The following MRRF variants were observed in gnomAD, a reference collection of about 807,000 sequenced individuals.
MRRF encodes the protein mitochondrial ribosome recycling factor.
Under a neutral mutation model 25.1 loss-of-function variants are expected in MRRF, and 18 were observed. The ratio of observed to expected loss-of-function variants is 0.72; its 90% CI spans 0.50 to 1.06. MRRF has a LOEUF of 1.06. MRRF is among the 50% of genes least tolerant of loss of function. MRRF has a pLI of 0.00. For missense variants in MRRF, 323 were observed against 319.3 expected (o/e 1.01, Z -0.09); for synonymous variants, 113 against 112.1 (o/e 1.01, Z -0.05).
rs117915531 is a variant in MRRF, at chr9:122,289,449, A to T, written c.460-2300A>T. Among the ~76,000 whole-genome samples the T allele has an allele frequency of 9.6e-3, 1,467 of 152,246 alleles. 15 individuals are homozygous for T. Among genetic ancestry groups the T allele is most frequent in the Middle Eastern group, 0.017 (5 of 294 alleles). ...AAGGTTGTATGGAAACACTTGGGTC[A>T]GCTTGTGAAAGGGAGGTAGTGGTGA... On this transcript the variant is annotated intron_variant, in intron 4 of 6. Transcript: ENST00000344641.
chr9:122,286,678 A>G (rs193167193), intron 4 of MRRF, among the ~76,000 whole-genome samples: 184 of 152,332 alleles, frequency 1.2e-3, no homozygotes, highest in African/African-American at 4.3e-3. Flanking sequence ...ATGCCACTGC[A>G]CTGCAGCCTG....
At chr9:122,276,393 T>C (rs767895122) in intron 2 of MRRF, among the ~76,000 whole-genome samples, 3 of 152,212 alleles carry the variant, frequency 2.0e-5, no homozygotes, top group African/African-American at 7.2e-5. Context: ...TGGGCTCAAG[T>C]GATCCTCTCG....
At chr9:122,280,265 G>T (rs1001874555) in intron 2 of MRRF, among the ~76,000 whole-genome samples, 178 bp from the exon 3 acceptor site, 7 of 152,194 alleles carry the variant, frequency 4.6e-5, no homozygotes, top group Admixed American at 4.6e-4. Flanking sequence ...TATCTGAGAA[G>T]GTGTTTAGCA....
chr9:122,314,126 A>G (rs1186862959), intron 6 of MRRF, among the ~76,000 whole-genome samples: 1 of 152,208 alleles, frequency 6.6e-6, no homozygotes, highest in Non-Finnish European at 1.5e-5. Flanking sequence ...AATGGTACAT[A>G]ACTACCCCAA....
At chr9:122,321,678 T>C (rs961076540) in intron 6 of MRRF, among the ~76,000 whole-genome samples, 2 of 152,212 alleles carry the variant, frequency 1.3e-5, no homozygotes, top group African/African-American at 4.8e-5. Context: ...TTGTATCTTA[T>C]TTTAATTTGC....
chr9:122,277,172 T>C (rs1020870916), intron 2 of MRRF, among the ~76,000 whole-genome samples: 2 of 152,238 alleles, frequency 1.3e-5, no homozygotes, highest in Non-Finnish European at 2.9e-5. Flanking sequence ...TTTCTTCTTT[T>C]AATTGTATTA....
In MRRF at chr9:122,324,368, G is replaced by A. The variant is rs1464372446; in HGVS notation, c.*1751G>A. On this transcript the variant is annotated 3_prime_UTR_variant, in exon 7 of 7. Transcript: ENST00000344641. ...TACACAGGGCAAGGTTGAGGGAGAG[G>A]GAGAGGGTGTGGAGCTTCCATGCCT... is the stretch of plus-strand genomic sequence containing the variant. 6.6e-6 allele frequency: 1 copy of A among 152,222 alleles called. No individual in the cohort carries two copies. The highest frequency in any genetic ancestry group is 1.5e-5 in the Non-Finnish European group (1 of 68,058). 9.4% of individuals were successfully genotyped at this position (152,222 alleles called of 1,614,324 possible).
chr9:122,270,864 T>C lies in MRRF; in HGVS notation c.-28T>C. On this transcript the variant is annotated splice_region_variant and 5_prime_UTR_variant, in exon 2 of 7. Transcript: ENST00000344641. ...CTGCTTTTTGTCTTATTCTTTTTAG[T>C]GGATGTTTCCAAGGATTGTCTTCAG... 2 of 1,612,256 alleles carry C rather than the reference T, an allele frequency of 1.2e-6. No homozygotes were observed. Among genetic ancestry groups the C allele is most frequent in the Non-Finnish European group, 1.7e-6 (2 of 1,178,256 alleles).
intron 1 of MRRF, among the ~76,000 whole-genome samples, chr9:122,268,018 T>G (rs1365799259): frequency 6.6e-6 from 1 of 152,238 alleles, no homozygotes; most frequent in African/African-American, 2.4e-5. Flanking sequence ...TATGTATAGG[T>G]TAATTTTGTT....
intron 6 of MRRF, among the ~76,000 whole-genome samples, chr9:122,316,454 G>T (rs1003800203): frequency 6.6e-6 from 1 of 152,112 alleles, no homozygotes; most frequent in African/African-American, 2.4e-5. Context: ...GGGATTACAG[G>T]CATGAGTGCC....
At position 122,295,591 on chromosome 9, in the gene MRRF, G is replaced by A. The variant is rs543008717; in HGVS notation, c.551+3751G>A. Among the ~76,000 whole-genome samples the A allele has an allele frequency of 1.1e-4, 17 of 151,964 alleles. No individual in the cohort carries two copies. In the South Asian group the frequency reaches 2.7e-3, roughly 24 times the overall value. ...CTCCCAGGTAGCTGGGATTACAGGC[G>A]CCCGCCACCACGTCTGGCTAATTTT... On this transcript the variant is annotated intron_variant, in intron 5 of 6. Transcript: ENST00000344641.
chr9:122,322,778 C>A lies in MRRF; in HGVS notation c.*161C>A. ...CCAGCCTTCCAGGGGAACACTCAGA[C>A]ATGTTCATTCTCTTCCTGCTTCTGC... On this transcript the variant is annotated 3_prime_UTR_variant, in exon 7 of 7. Transcript: ENST00000344641. The A allele has an allele frequency of 1.4e-6, 1 of 714,196 alleles. No homozygotes were observed. The highest frequency in any genetic ancestry group is 1.5e-5 in the South Asian group (1 of 65,064). The allele number at this position is 714,196 out of a possible 1,614,324, so 44.2% of individuals were successfully genotyped here. A position where few individuals can be genotyped will look rare whatever the true frequency, so the allele number is the denominator to read the frequency against.
chr9:122,304,115 G>A (rs1834670636), intron 5 of MRRF, among the ~76,000 whole-genome samples: 1 of 147,514 alleles, frequency 6.8e-6, no homozygotes, highest in Non-Finnish European at 1.5e-5. Context: ...TAGGGATATT[G>A]AAAGAAAAAA....
At chr9:122,286,103 CTGTT>C (rs1833390246) in intron 4 of MRRF, 1 of 1,266,388 alleles carries the variant, frequency 7.9e-7, no homozygotes, top group Non-Finnish European at 1.0e-6. Context: ...CACCAACTGG[CTGTT>C]TGACCTTGGG....
chr9:122,312,383 A>G (rs749415443), intron 5 of MRRF, among the ~76,000 whole-genome samples: 3 of 152,218 alleles, frequency 2.0e-5, no homozygotes, highest in African/African-American at 7.2e-5. Context: ...CGTAAATACA[A>G]CTGTTCACTT....
chr9:122,292,737 C>T (rs993719536), intron 5 of MRRF, among the ~76,000 whole-genome samples: 1 of 152,082 alleles, frequency 6.6e-6, no homozygotes, highest in African/African-American at 2.4e-5. Context: ...GTCTCTCTGA[C>T]TGCTGGTTTA....
Position 122,331,098 on chromosome 9 carries a change from C to T in MRRF, c.*8481C>T, listed in dbSNP as rs1836271368. ...GTCGCAGTTTTGCCCTTTCTTCCCTCAAAAAAAGGTCTCTCCACTTCTCTG... is the reference window on the plus strand; with the variant it reads ...GTCGCAGTTTTGCCCTTTCTTCCCTTAAAAAAAGGTCTCTCCACTTCTCTG... On this transcript the variant is annotated 3_prime_UTR_variant, in exon 7 of 7. Transcript: ENST00000344641. The T allele has an allele frequency of 6.6e-6, 1 of 151,920 alleles. No homozygotes were observed. Among genetic ancestry groups the T allele is most frequent in the African/African-American group, 2.4e-5 (1 of 41,358 alleles). 9.4% of individuals were successfully genotyped at this position (151,920 alleles called of 1,614,324 possible).
intron 4 of MRRF, chr9:122,286,056 G>C (rs1455318115): frequency 1.6e-6 from 2 of 1,290,304 alleles, no homozygotes; most frequent in Non-Finnish European, 2.0e-6. Context: ...CCTGGATTAG[G>C]AGTCTTAGAG....
In MRRF at chr9:122,327,977, T is replaced by C. The variant is rs1836184638; in HGVS notation, c.*5360T>C. ...TACATAAAATTTACTCTCTTAACCA[T>C]GTTTTTTTTTTAGACAGGGTCTTGC... On this transcript the variant is annotated 3_prime_UTR_variant, in exon 7 of 7. Transcript: ENST00000344641. The C allele has an allele frequency of 6.6e-6, 1 of 151,972 alleles. No individual in the cohort carries two copies. The highest frequency in any genetic ancestry group is 1.5e-5 in the Non-Finnish European group (1 of 67,998). The allele number at this position is 151,972 out of a possible 1,614,324, so 9.4% of individuals were successfully genotyped here. A position where few individuals can be genotyped will look rare whatever the true frequency, so the allele number is the denominator to read the frequency against.
Sources: allele counts gnomAD v4.1 joint callset (sites outside exome capture counted in the v4.1 genomes callset), GRCh38; gene constraint gnomAD v4.1.1; transcripts MANE v1.5; gene names NCBI Gene and HGNC (gene_info 2026-07-23, HGNC 2026-07-21).